LRRC7: variants seen among roughly 807,000 people sequenced by gnomAD.
LRRC7 encodes leucine rich repeat containing 7, also known as leucine-rich repeat-containing protein 7.
LRRC7 carries 23 observed loss-of-function variants against 175.7 expected under a neutral mutation model. That is an observed-to-expected ratio of 0.13 (90% CI 0.09 to 0.19). LRRC7 has a LOEUF of 0.19. Among genes scored for constraint, LRRC7 ranks in the 10% least tolerant of loss-of-function variants. The pLI is 1.00. For synonymous variants in LRRC7, 685 were observed against 680.9 expected, an observed-to-expected ratio of 1.01 and a Z score of -0.09; for missense variants, 1,354 against 1,904.7, an observed-to-expected ratio of 0.71 and a Z score of 5.38.
At chr1:69,703,752 ATATG>A (rs1465167892) in intron 2 of LRRC7, among the ~76,000 whole-genome samples, 1 of 151,980 alleles carries the variant, frequency 6.6e-6, no homozygotes, top group East Asian at 1.9e-4. Flanking sequence ...GTTTATATTC[ATATG>A]TATTTGCTTC....
chr1:69,689,992 G>A (rs1454551653), intron 2 of LRRC7, among the ~76,000 whole-genome samples: 2 of 152,104 alleles, frequency 1.3e-5, no homozygotes, highest in Non-Finnish European at 2.9e-5. Context: ...TCAAGTTAAT[G>A]CAAATTTGGT....
intron 1 of LRRC7, among the ~76,000 whole-genome samples, chr1:69,643,574 G>A (rs1385883605): frequency 6.6e-6 from 1 of 152,052 alleles, no homozygotes; most frequent in African/African-American, 2.4e-5. Flanking sequence ...TCCCAATGAT[G>A]AGCAATATGT....
chr1:69,607,062 A>C (rs1257704013), intron 1 of LRRC7: 4 of 152,062 alleles, frequency 2.6e-5, no homozygotes, highest in African/African-American at 7.2e-5. Context: ...TTCAGAATGA[A>C]ATGAAGTGAC....
At chr1:69,823,951 C>T (rs1679602895) in intron 4 of LRRC7, among the ~76,000 whole-genome samples, 1 of 152,096 alleles carries the variant, frequency 6.6e-6, no homozygotes, top group South Asian at 2.1e-4. Context: ...CCATCTCGAG[C>T]CAACAGACTG....
At chr1:70,117,115 T>C (rs1571368559) in intron 26 of LRRC7, among the ~76,000 whole-genome samples, 1 of 152,240 alleles carries the variant, frequency 6.6e-6, no homozygotes, top group Admixed American at 6.5e-5. Flanking sequence ...GTGGTGAATT[T>C]AAATCAACCA....
chr1:69,708,680 C>T (rs963533585), intron 2 of LRRC7, among the ~76,000 whole-genome samples: 1 of 152,162 alleles, frequency 6.6e-6, no homozygotes, highest in Non-Finnish European at 1.5e-5. Context: ...TTGTGCTGAT[C>T]TCATATGGGC....
At chr1:69,671,788 C>G (rs528998971) in intron 1 of LRRC7, among the ~76,000 whole-genome samples, 1 of 152,230 alleles carries the variant, frequency 6.6e-6, no homozygotes, top group East Asian at 1.9e-4. Context: ...ACAGGGGCAG[C>G]ATTGAGTTCA....
chr1:69,578,989 A>G (rs1370540792), intron 1 of LRRC7, among the ~76,000 whole-genome samples: 2 of 152,046 alleles, frequency 1.3e-5, no homozygotes, highest in African/African-American at 2.4e-5. Flanking sequence ...AAAAAGTTGT[A>G]TTTTAGTCCT....
intron 8 of LRRC7, among the ~76,000 whole-genome samples, chr1:69,964,111 A>G (rs1651416146): frequency 6.6e-6 from 1 of 152,198 alleles, no homozygotes; most frequent in South Asian, 2.1e-4. Context: ...CAAAACAAAG[A>G]TCAGGCTCTT....
intron 2 of LRRC7, among the ~76,000 whole-genome samples, chr1:69,735,150 T>A (rs1667976463): frequency 6.6e-6 from 1 of 152,030 alleles, no homozygotes. Flanking sequence ...TCAGGTGGTT[T>A]TCTATAACAA....
At chr1:69,953,969 T>G (rs749759466) in intron 8 of LRRC7, among the ~76,000 whole-genome samples, 12 of 152,072 alleles carry the variant, frequency 7.9e-5, no homozygotes, top group Non-Finnish European at 1.3e-4. Context: ...AATAAATGCT[T>G]ACTTTTTTCT....
At chr1:70,098,104 C>T (rs1450733292) in intron 25 of LRRC7, among the ~76,000 whole-genome samples, 1 of 151,962 alleles carries the variant, frequency 6.6e-6, no homozygotes, top group Non-Finnish European at 1.5e-5. Context: ...CCTATTTCTC[C>T]ACATCCTCTC....
chr1:69,881,721 A>T (rs12028280), intron 7 of LRRC7, among the ~76,000 whole-genome samples: 3 of 151,000 alleles, frequency 2.0e-5, no homozygotes, highest in Admixed American at 6.6e-5. Context: ...CTACAAAAAA[A>T]AAAACAAAAT....
intron 7 of LRRC7, among the ~76,000 whole-genome samples, chr1:69,861,317 T>C (rs1401752889): frequency 6.6e-6 from 1 of 152,212 alleles, no homozygotes; most frequent in Non-Finnish European, 1.5e-5. Context: ...GTTCTTTAGA[T>C]AAATTCAGCA....
At chr1:69,603,278 T>G (rs75329054) in intron 1 of LRRC7, among the ~76,000 whole-genome samples, 16,151 of 152,164 alleles carry the variant, frequency 0.11, 1,016 homozygotes, top group Admixed American at 0.15. Context: ...TCATATTTTT[T>G]GAGGCAATTA....
At chr1:70,050,594 T>A (rs1473381290) in intron 22 of LRRC7, among the ~76,000 whole-genome samples, 1 of 152,080 alleles carries the variant, frequency 6.6e-6, no homozygotes, top group Non-Finnish European at 1.5e-5. Context: ...AATAATTGAA[T>A]TAATAGCTGA....
At chr1:69,808,065 G>A (rs1157262789) in intron 4 of LRRC7, among the ~76,000 whole-genome samples, 1 of 151,222 alleles carries the variant, frequency 6.6e-6, no homozygotes, top group African/African-American at 2.4e-5. Context: ...AATCTCTGAT[G>A]TCCTTTCTTC....
At chr1:69,728,373 G>A (rs1295224694) in intron 2 of LRRC7, among the ~76,000 whole-genome samples, 2 of 152,076 alleles carry the variant, frequency 1.3e-5, no homozygotes, top group African/African-American at 4.8e-5. Context: ...CTGTCAAATT[G>A]CCTGGAGAAT....
intron 10 of LRRC7, among the ~76,000 whole-genome samples, chr1:69,993,683 A>T (rs1260087340): frequency 6.6e-6 from 1 of 152,174 alleles, no homozygotes; most frequent in Non-Finnish European, 1.5e-5. Flanking sequence ...CATGAAACTT[A>T]CTATGTCAAT....
Sources: allele counts gnomAD v4.1 joint callset (sites outside exome capture counted in the v4.1 genomes callset), GRCh38; gene constraint gnomAD v4.1.1; transcripts MANE v1.5; gene names NCBI Gene and HGNC (gene_info 2026-07-23, HGNC 2026-07-21).